ARID1B: variants seen among roughly 807,000 people sequenced by gnomAD.
ARID1B encodes the protein AT-rich interactive domain-containing protein 1B.
A neutral mutation model predicts 212.3 loss-of-function variants in ARID1B; 30 were observed. The observed-to-expected ratio is 0.14, with a 90% CI of 0.11 to 0.19. The LOEUF is 0.19. Among genes scored for constraint, ARID1B ranks in the 10% least tolerant of loss-of-function variants. The pLI, the probability that ARID1B is intolerant of heterozygous loss-of-function variation, is 1.00. For synonymous variants in ARID1B, 1,402 were observed against 1,301.7 expected, an observed-to-expected ratio of 1.08 and a Z score of -1.66; for missense variants, 2,891 against 3,204.0, an observed-to-expected ratio of 0.90 and a Z score of 2.36.
intron 2 of ARID1B, among the ~76,000 whole-genome samples, chr6:156,857,827 A>G (rs1785055076): frequency 6.6e-6 from 1 of 152,200 alleles, no homozygotes; most frequent in Non-Finnish European, 1.5e-5. Flanking sequence ...CTGCACACCT[A>G]GGCTATATAA....
chr6:157,139,823 A>G (rs1789209438), intron 7 of ARID1B, among the ~76,000 whole-genome samples: 1 of 151,756 alleles, frequency 6.6e-6, no homozygotes, highest in Non-Finnish European at 1.5e-5. Flanking sequence ...CCTGGGTTCA[A>G]GCAATTTTCC....
intron 4 of ARID1B, among the ~76,000 whole-genome samples, chr6:156,969,646 A>C (rs1776782440): frequency 6.6e-6 from 1 of 152,222 alleles, no homozygotes; most frequent in African/African-American, 2.4e-5. Flanking sequence ...AACCACTTTC[A>C]ACCTTATTCC....
Position 156,959,354 on chromosome 6 carries a change from C to T in ARID1B, c.2247+23778C>T, listed in dbSNP as rs570412632. On this transcript the variant is annotated intron_variant, in intron 4 of 19. Transcript: ENST00000636930. The stretch of plus-strand genomic sequence containing the variant: ...ATCATCTCTAGATTACTTATAATAA[C>T]TAATACAATGTAAATGCTTTATGAA... Among the ~76,000 whole-genome samples, 5 of 152,312 alleles carry T rather than the reference C, an allele frequency of 3.3e-5. No individual in the cohort carries two copies. The East Asian group carries it at 9.6e-4, about 29-fold the overall frequency.
intron 2 of ARID1B, among the ~76,000 whole-genome samples, chr6:156,880,832 TA>T (rs1051330490): frequency 6.6e-6 from 1 of 152,130 alleles, no homozygotes; most frequent in African/African-American, 2.4e-5. Context: ...TTAGTATTTT[TA>T]AAAATCCTTG....
chr6:157,005,224 G>A (rs1259698585), intron 4 of ARID1B, among the ~76,000 whole-genome samples: 2 of 151,900 alleles, frequency 1.3e-5, no homozygotes, highest in Non-Finnish European at 2.9e-5. Context: ...TGGGATCTTG[G>A]CTCATTGCTA....
chr6:157,015,898 T>C (rs928033172), intron 4 of ARID1B, among the ~76,000 whole-genome samples: 2 of 152,212 alleles, frequency 1.3e-5, no homozygotes, highest in African/African-American at 2.4e-5. Flanking sequence ...GTGATGTGAA[T>C]CCTGCATCTT....
At chr6:156,985,761 C>T (rs1777879235) in intron 4 of ARID1B, 1 of 152,166 alleles carries the variant, frequency 6.6e-6, no homozygotes, top group African/African-American at 2.4e-5. Flanking sequence ...ACTTAAACGT[C>T]TGCACATTGC....
At chr6:156,888,530 A>G (rs1323592908) in intron 2 of ARID1B, among the ~76,000 whole-genome samples, 1 of 152,250 alleles carries the variant, frequency 6.6e-6, no homozygotes, top group Non-Finnish European at 1.5e-5. Flanking sequence ...ACATTCACGA[A>G]TTCAAAATTA....
intron 2 of ARID1B, among the ~76,000 whole-genome samples, chr6:156,850,138 A>G (rs531741579): frequency 6.6e-6 from 1 of 151,652 alleles, no homozygotes; most frequent in South Asian, 2.1e-4. Context: ...AACTGGACCA[A>G]TTGACAGGCT....
Position 157,148,579 on chromosome 6 carries a change from C to CA in ARID1B, c.2762-43dup. 1 of 1,551,876 alleles carries CA rather than the reference C, an allele frequency of 6.4e-7. No homozygotes were observed. The highest frequency in any genetic ancestry group is 8.8e-7 in the Non-Finnish European group (1 of 1,141,660). On this transcript the variant is annotated intron_variant, in intron 7 of 19. Coordinates refer to ENST00000636930, the MANE Select transcript of ARID1B (RefSeq NM_001374828.1). The surrounding 1 kb of genome is among the most constrained non-coding windows in gnomAD (Gnocchi z 5.6). ...AAAGTATTTCCAGTGAATGTTGTCA[C>CA]AAGTTTAAATAAAAGGCTTTACTTT...
At chr6:156,798,264 G>A (rs1373284293) in intron 1 of ARID1B, among the ~76,000 whole-genome samples, 1 of 152,198 alleles carries the variant, frequency 6.6e-6, no homozygotes, top group African/African-American at 2.4e-5. Flanking sequence ...CTCCTCTCCG[G>A]TGGGCCTGGA....
intron 4 of ARID1B, among the ~76,000 whole-genome samples, chr6:157,021,478 G>T (rs565027921): frequency 1.3e-5 from 2 of 152,194 alleles, no homozygotes; most frequent in Admixed American, 6.5e-5. Flanking sequence ...GGCCCCGCTC[G>T]CTCCTTTCGG....
At chr6:157,189,997 C>T (rs756301237) in intron 14 of ARID1B, 41 bp from the exon 15 acceptor site, 3 of 1,606,894 alleles carry the variant, frequency 1.9e-6, no homozygotes, top group Admixed American at 3.4e-5. Flanking sequence ...GGAGGTAACT[C>T]CTGCTGTATC....
rs1175243555 is a variant in ARID1B at position 157,066,479 on chromosome 6, A to C, written c.2248-18183A>C. On this transcript the variant is annotated intron_variant, in intron 4 of 19. Transcript: ENST00000636930. Reference sequence around the variant, plus strand: ...AATTAGTTTTAAAGTATCTTCCATTAAATATATAAATATCTCAATGAAGAA... The same window carrying C: ...AATTAGTTTTAAAGTATCTTCCATTCAATATATAAATATCTCAATGAAGAA... 6.6e-5 allele frequency among the ~76,000 whole-genome samples: 10 copies of C among 152,228 alleles called. 1 individual carries two copies. Among genetic ancestry groups the C allele is most frequent in the Admixed American group, 6.5e-4 (10 of 15,292 alleles).
intron 1 of ARID1B, among the ~76,000 whole-genome samples, chr6:156,780,827 T>C (rs1779207405): frequency 6.6e-6 from 1 of 152,202 alleles, no homozygotes; most frequent in Non-Finnish European, 1.5e-5. Flanking sequence ...ACATATATCA[T>C]AGACTTTAAT....
At chr6:156,971,481 C>G (rs1776921505) in intron 4 of ARID1B, among the ~76,000 whole-genome samples, 1 of 152,186 alleles carries the variant, frequency 6.6e-6, no homozygotes, top group African/African-American at 2.4e-5. Context: ...ATACATTAGA[C>G]AACTGTGGAT....
chr6:156,910,866 ATTC>A (rs1381542247), intron 3 of ARID1B, among the ~76,000 whole-genome samples: 1 of 152,214 alleles, frequency 6.6e-6, no homozygotes, highest in Non-Finnish European at 1.5e-5. Context: ...TGTCTCCTTT[ATTC>A]TTTTAAAATA....
chr6:156,819,713 G>A (rs1297144068), intron 1 of ARID1B, among the ~76,000 whole-genome samples: 1 of 152,170 alleles, frequency 6.6e-6, no homozygotes, highest in African/African-American at 2.4e-5. Flanking sequence ...TAGGCTGGGG[G>A]ACAGACATTG....
At chr6:157,152,224 C>T (rs1485684596) in intron 8 of ARID1B, 2 of 152,124 alleles carry the variant, frequency 1.3e-5, no homozygotes, top group Admixed American at 1.3e-4. Context: ...CTGTGCCTTG[C>T]CAAACCACAT....
Sources: allele counts gnomAD v4.1 joint callset (sites outside exome capture counted in the v4.1 genomes callset), GRCh38; gene constraint gnomAD v4.1.1; non-coding constraint Gnocchi (gnomAD v3.1); transcripts MANE v1.5; gene names NCBI Gene and HGNC (gene_info 2026-07-23, HGNC 2026-07-21).